Variants in RADIL observed in about 807,000 individuals in gnomAD.
The protein encoded by RADIL is Rap associating with DIL domain.
A neutral mutation model predicts 97.6 loss-of-function variants in RADIL; 99 were observed. The observed-to-expected ratio is 1.01, with a 90% CI of 0.86 to 1.20. The LOEUF is 1.20. Ranked by LOEUF, RADIL falls within the 50% of genes most tolerant of loss-of-function variation. The pLI, the probability that RADIL is intolerant of heterozygous loss-of-function variation, is 0.00. For synonymous variants in RADIL, 803 were observed against 691.8 expected, an observed-to-expected ratio of 1.16 and a Z score of -2.52; for missense variants, 1,765 against 1,498.9, an observed-to-expected ratio of 1.18 and a Z score of -2.93.
At position 4,873,890 on chromosome 7, in the gene RADIL, G is replaced by A. The variant is rs1039288267; in HGVS notation, c.535+3715C>T. 4.6e-5 allele frequency among the ~76,000 whole-genome samples: 7 copies of A among 152,202 alleles called. No homozygotes were observed. The highest frequency in any genetic ancestry group is 2.1e-4 in the South Asian group (1 of 4,828). On this transcript the variant is annotated intron_variant, in intron 2 of 14. Coordinates refer to ENST00000399583, the MANE Select transcript of RADIL (RefSeq NM_018059.5). The surrounding 1 kb of genome is among the most constrained non-coding windows in gnomAD (Gnocchi z 4.3). The stretch of plus-strand genomic sequence containing the variant: ...TCACTCCAACCTGAGGCAGGCTGGC[G>A]CCCACGGCTGCTGGAGAAGCTGCTA...
intron 5 of RADIL, among the ~76,000 whole-genome samples, chr7:4,828,364 G>C (rs1363145156): frequency 6.6e-6 from 1 of 152,214 alleles, no homozygotes; most frequent in Non-Finnish European, 1.5e-5. Flanking sequence ...AGGCTGAGGA[G>C]CGGGAATCGC....
At position 4,836,551 on chromosome 7, in the gene RADIL, G is replaced by A. The variant is rs1448513227; in HGVS notation, c.590C>T (p.Thr197Ile). The A allele has an allele frequency of 2.5e-6, 4 of 1,607,756 alleles. No homozygotes were observed. The highest frequency in any genetic ancestry group is 2.7e-5 in the African/African-American group (2 of 74,868). Reference sequence around the variant, plus strand: ...GCTCCGGGCATCCCCCAGGGCCGGGGTCGGGGTTCCCTTCGCGCGACTCCG... The same window carrying A: ...GCTCCGGGCATCCCCCAGGGCCGGGATCGGGGTTCCCTTCGCGCGACTCCG... ...LQRSRAKGTP[T>I]PALGDARSSP... Residue 197 changes from threonine (T) to isoleucine (I), a missense_variant, in exon 3 of 15, where the codon ACC becomes ATC. Thr to Ile is a moderately conservative substitution (Grantham distance 89, BLOSUM62 -1). Transcript: ENST00000399583.
At chr7:4,809,030 C>A in intron 9 of RADIL, 16 of 905,496 alleles carry the variant, frequency 1.8e-5, no homozygotes, top group Middle Eastern at 5.7e-4. Flanking sequence ...CCCCTTGTCC[C>A]CTTCCGACGC....
At position 4,822,786 on chromosome 7, in the gene RADIL, C is replaced by T. The variant is rs529755187; in HGVS notation, c.1455-232G>A. On this transcript the variant is annotated intron_variant, in intron 5 of 14. Transcript: ENST00000399583. This position sits in a 1 kb window ranked among gnomAD's most constrained non-coding sequence, Gnocchi z 5.3. ...CAAACCTAGCAGGAAGACAGCTGGG[C>T]GCCACAGCCATTGGTAAAAAACCTC... 5.9e-5 allele frequency among the ~76,000 whole-genome samples: 9 copies of T among 152,244 alleles called. No homozygotes were observed. The highest frequency in any genetic ancestry group is 1.9e-4 in the African/African-American group (8 of 41,530).
chr7:4,829,738 GA>G (rs1398668763), intron 5 of RADIL, among the ~76,000 whole-genome samples: 1 of 152,058 alleles, frequency 6.6e-6, no homozygotes, highest in Non-Finnish European at 1.5e-5. Flanking sequence ...GTTGGTTTTA[GA>G]AAGGGTGGTT....
At position 4,805,135 on chromosome 7, in the gene RADIL, G is replaced by A. The variant is rs536156197; in HGVS notation, c.2290+431C>T. 1.3e-4 allele frequency: 23 copies of A among 171,764 alleles called. No individual in the cohort carries two copies. The East Asian group carries it at 2.2e-3, about 17-fold the overall frequency. 10.6% of individuals were successfully genotyped at this position (171,764 alleles called of 1,614,324 possible). A position where few individuals can be genotyped will look rare whatever the true frequency, so the allele number is the denominator to read the frequency against. On this transcript the variant is annotated intron_variant, in intron 10 of 14. Transcript: ENST00000399583. ...ATAAAACGCACCCCTATGTATGCAC[G>A]TACACATGTATGCGCACACAGACCC...
intron 6 of RADIL, among the ~76,000 whole-genome samples, chr7:4,820,781 CA>C (rs1299747516): frequency 2.0e-5 from 3 of 152,200 alleles, no homozygotes; most frequent in Non-Finnish European, 2.9e-5. Context: ...CTGGTCTCTG[CA>C]GCCCGGCCCC....
Position 4,835,092 on chromosome 7 carries a change from C to T in RADIL, c.931G>A (p.Ala311Thr). The change falls in exon 4 of 15, where the codon GCC (alanine) becomes ACC (threonine). Residue 311 changes from alanine (A) to threonine (T), a missense_variant. Transcript: ENST00000399583. This position sits in a 1 kb window ranked among gnomAD's most constrained non-coding sequence, Gnocchi z 5.8. Reference protein sequence around the residue: ...RRQPLPDSGQAAGRLVLEPIP... With the variant: ...RRQPLPDSGQTAGRLVLEPIP... ...GGCTCCAGGACCAGCCTCCCCGCGG[C>T]CTGGCCGCTGTCCGGGAGCGGTTGC... 4.4e-6 allele frequency: 7 copies of T among 1,608,218 alleles called. No homozygotes were observed. The highest frequency in any genetic ancestry group is 5.9e-6 in the Non-Finnish European group (7 of 1,177,762).
rs745953346 is a variant in RADIL at position 4,878,084 on chromosome 7, C to A, written c.56G>T (p.Arg19Leu). ...MSPPTKSKLKRQSQLLSSMLS... is the reference protein window; with the variant it reads ...MSPPTKSKLKLQSQLLSSMLS... The stretch of plus-strand genomic sequence containing the variant: ...CATGCTGGACAACAGCTGGCTCTGC[C>A]GCTTCAGTTTGCTCTTGGTGGGCGG... The change falls in exon 2 of 15, where the codon CGG becomes CTG. Residue 19 changes from arginine to leucine, a missense_variant. Transcript: ENST00000399583. This position sits in a 1 kb window ranked among gnomAD's most constrained non-coding sequence, Gnocchi z 4.1. The A allele has an allele frequency of 6.3e-6, 10 of 1,593,934 alleles. No individual in the cohort carries two copies. The highest frequency in any genetic ancestry group is 6.8e-6 in the Non-Finnish European group (8 of 1,171,110).
Position 4,805,394 on chromosome 7 carries a change from GGGGAT to G in RADIL, c.2290+167_2290+171del, listed in dbSNP as rs1782270513. Reference sequence around the variant, plus strand: ...GAGGAGGTCCCCGGATCCCCAGGTTGGGGATGGGGCGGGGCGGGGGGGTCCTCTGG... The same window carrying G: ...GAGGAGGTCCCCGGATCCCCAGGTTGGGGGCGGGGCGGGGGGGTCCTCTGG... On this transcript the variant is annotated intron_variant, in intron 10 of 14. Transcript: ENST00000399583. 7.0e-6 allele frequency: 5 copies of G among 716,504 alleles called. No individual in the cohort carries two copies. The South Asian group carries it at 1.4e-4, about 21-fold the overall frequency. The allele number at this position is 716,504 out of a possible 1,614,324, so 44.4% of individuals were successfully genotyped here.
chr7:4,878,084 C>G lies in RADIL; in HGVS notation c.56G>C (p.Arg19Pro). 6.3e-7 allele frequency: 1 copy of G among 1,593,934 alleles called. No individual in the cohort carries two copies. Residue 19 changes from arginine to proline, a missense_variant, in exon 2 of 15, where the codon CGG becomes CCG. Coordinates refer to ENST00000399583, the MANE Select transcript of RADIL (RefSeq NM_018059.5). This position sits in a 1 kb window ranked among gnomAD's most constrained non-coding sequence, Gnocchi z 4.1. Reference sequence around the variant, plus strand: ...CATGCTGGACAACAGCTGGCTCTGCCGCTTCAGTTTGCTCTTGGTGGGCGG... The same window carrying G: ...CATGCTGGACAACAGCTGGCTCTGCGGCTTCAGTTTGCTCTTGGTGGGCGG... ...MSPPTKSKLK[R>P]QSQLLSSMLS... is the part of the protein sequence containing the mutation.
chr7:4,872,885 CG>C lies in RADIL; in HGVS notation c.535+4719del, dbSNP rs1379500673. Among the ~76,000 whole-genome samples, 2 of 152,032 alleles carry C rather than the reference CG, an allele frequency of 1.3e-5. No homozygotes were observed. The highest frequency in any genetic ancestry group is 4.8e-5 in the African/African-American group (2 of 41,380). On this transcript the variant is annotated intron_variant, in intron 2 of 14. Coordinates refer to ENST00000399583, the MANE Select transcript of RADIL (RefSeq NM_018059.5). This position sits in a 1 kb window ranked among gnomAD's most constrained non-coding sequence, Gnocchi z 5.8. ...AGGGGAGAGGCCTGAGAGACTTTGG[CG>C]AAATGCTTCCCCTGAAATGGTGCAA...
chr7:4,825,242 G>A (rs1782940770), intron 5 of RADIL, among the ~76,000 whole-genome samples: 1 of 152,218 alleles, frequency 6.6e-6, no homozygotes, highest in Admixed American at 6.5e-5. Flanking sequence ...GGCCCGGCAG[G>A]AGGAACGGGC....
intron 5 of RADIL, among the ~76,000 whole-genome samples, chr7:4,830,343 C>T (rs566216729): frequency 1.3e-5 from 2 of 152,108 alleles, no homozygotes; most frequent in Non-Finnish European, 2.9e-5. Flanking sequence ...AGAGTGGGAG[C>T]GTAGGCCGCA....
chr7:4,845,962 C>G (rs1783557890), intron 2 of RADIL, among the ~76,000 whole-genome samples: 2 of 152,158 alleles, frequency 1.3e-5, no homozygotes, highest in African/African-American at 4.8e-5. Flanking sequence ...GCTGTGAGCC[C>G]TTCGTTAGAG....
In RADIL at chr7:4,878,385, A is replaced by T. The variant is rs11980159; in HGVS notation, c.-64-182T>A. On this transcript the variant is annotated intron_variant, in intron 1 of 14. Transcript: ENST00000399583. This position sits in a 1 kb window ranked among gnomAD's most constrained non-coding sequence, Gnocchi z 4.1. Reference sequence around the variant, plus strand: ...ATAGTAAGGCCCCGGCTCTACAAAAAATTTAAAAATTAGCCAGGCATGGTG... The same window carrying T: ...ATAGTAAGGCCCCGGCTCTACAAAATATTTAAAAATTAGCCAGGCATGGTG... 0.15 allele frequency among the ~76,000 whole-genome samples: 22,568 copies of T among 152,054 alleles called. 3,624 individuals are homozygous for T. The highest frequency in any genetic ancestry group is 0.4 in the African/African-American group (16,707 of 41,442).
intron 2 of RADIL, among the ~76,000 whole-genome samples, chr7:4,862,571 C>T (rs1784041328): frequency 6.6e-6 from 1 of 152,196 alleles, no homozygotes; most frequent in South Asian, 2.1e-4. Flanking sequence ...CCCTGTGATC[C>T]CACCACTGTG....
In RADIL at chr7:4,821,164, C is replaced by T. The variant is rs142979422; in HGVS notation, c.1615+1230G>A. Among the ~76,000 whole-genome samples the T allele has an allele frequency of 2.6e-5, 4 of 152,318 alleles. No homozygotes were observed. The highest frequency in any genetic ancestry group is 9.6e-5 in the African/African-American group (4 of 41,580). On this transcript the variant is annotated intron_variant, in intron 6 of 14. Transcript: ENST00000399583. This position sits in a 1 kb window ranked among gnomAD's most constrained non-coding sequence, Gnocchi z 5.2. ...AGCTCAGAGACGCAGCCTGGAGCAG[C>T]TCTGAATGCACCACTCCCTACCCGG... is the stretch of plus-strand genomic sequence containing the variant.
rs775663039 is a variant in RADIL at position 4,821,516 on chromosome 7, G to A, written c.1615+878C>T. 3.9e-5 allele frequency among the ~76,000 whole-genome samples: 6 copies of A among 152,158 alleles called. No individual in the cohort carries two copies. Among genetic ancestry groups the A allele is most frequent in the African/African-American group, 7.2e-5 (3 of 41,432 alleles). On this transcript the variant is annotated intron_variant, in intron 6 of 14. Coordinates refer to ENST00000399583, the MANE Select transcript of RADIL (RefSeq NM_018059.5). This position sits in a 1 kb window ranked among gnomAD's most constrained non-coding sequence, Gnocchi z 5.2. The stretch of plus-strand genomic sequence containing the variant: ...CTCTCGAAGCCCCCTAGACTGCCCC[G>A]ATGGAATCCCTCTCCCTTAGTATTT...
Sources: allele counts gnomAD v4.1 joint callset (sites outside exome capture counted in the v4.1 genomes callset), GRCh38; gene constraint gnomAD v4.1.1; non-coding constraint Gnocchi (gnomAD v3.1); transcripts MANE v1.5; gene names NCBI Gene and HGNC (gene_info 2026-07-23, HGNC 2026-07-21).